The following TMEM51 variants were observed in gnomAD, a reference collection of about 807,000 sequenced individuals.
TMEM51 encodes chromosome 1 open reading frame 72.
TMEM51 carries 8 observed loss-of-function variants against 13.6 expected under a neutral mutation model. The observed-to-expected ratio is 0.59, with a 90% CI of 0.35 to 1.07. The LOEUF is 1.07. Among genes scored for constraint, TMEM51 ranks in the 50% least tolerant of loss-of-function variants. The probability of loss-of-function intolerance (pLI) is 0.02; values close to 1 mark genes in which losing one functional copy is unlikely to be tolerated. For missense variants in TMEM51, 279 were observed against 330.7 expected, an observed-to-expected ratio of 0.84 and a Z score of 1.21; for synonymous variants, 147 against 144.4, an observed-to-expected ratio of 1.02 and a Z score of -0.13.
chr1:15,167,326 CAAAAAAAAAAAAAAAAAAA>C (rs555274126), intron 1 of TMEM51, among the ~76,000 whole-genome samples: 4 of 69,446 alleles, frequency 5.8e-5, no homozygotes, highest in Admixed American at 1.7e-4. Context: ...GACTCCATCT[CAAAAAAAAAAAAAAAAAAA>C]AAAAAAAAAA....
chr1:15,200,989 T>C (rs1426774784), intron 1 of TMEM51, among the ~76,000 whole-genome samples: 2 of 152,122 alleles, frequency 1.3e-5, no homozygotes, highest in African/African-American at 4.8e-5. Context: ...GTGCCACAGG[T>C]GCCTCACACC....
intron 1 of TMEM51, among the ~76,000 whole-genome samples, chr1:15,175,186 G>A (rs1450816781): frequency 6.6e-6 from 1 of 152,104 alleles, no homozygotes; most frequent in Non-Finnish European, 1.5e-5. Flanking sequence ...GATTATCTGA[G>A]GTCAGGAGTT....
intron 1 of TMEM51, among the ~76,000 whole-genome samples, chr1:15,194,824 C>A (rs1338650082): frequency 1.3e-5 from 2 of 151,810 alleles, no homozygotes; most frequent in Non-Finnish European, 2.9e-5. Context: ...GTTTTTCAGC[C>A]AGCAATTTTA....
At chr1:15,190,840 T>G (rs1439132957) in intron 1 of TMEM51, among the ~76,000 whole-genome samples, 1 of 152,150 alleles carries the variant, frequency 6.6e-6, no homozygotes, top group Non-Finnish European at 1.5e-5. Context: ...CAAGCTGGAG[T>G]GCAGTGGCCC....
At chr1:15,153,116 T>C (rs575765053), upstream of TMEM51, among the ~76,000 whole-genome samples, 4 of 152,298 alleles carry the variant, frequency 2.6e-5, no homozygotes, top group Admixed American at 1.3e-4. Flanking sequence ...GGGCGTGAGC[T>C]GACTCAGTTT....
intron 1 of TMEM51, chr1:15,168,451 G>A (rs1222461735): frequency 7.8e-7 from 1 of 1,283,272 alleles, no homozygotes; most frequent in Admixed American, 2.4e-5. Context: ...GGATACATCT[G>A]CAATTAGCTG....
intron 1 of TMEM51, among the ~76,000 whole-genome samples, chr1:15,179,876 A>C (rs1643561629): frequency 6.6e-6 from 1 of 152,256 alleles, no homozygotes; most frequent in African/African-American, 2.4e-5. Flanking sequence ...GAAGGTATGC[A>C]CATATGAGGG....
At chr1:15,186,488 C>A (rs1643780416) in intron 1 of TMEM51, among the ~76,000 whole-genome samples, 1 of 152,112 alleles carries the variant, frequency 6.6e-6, no homozygotes, top group South Asian at 2.1e-4. Context: ...TCATGGATGA[C>A]CTTGGTTTTG....
intron 3 of TMEM51, among the ~76,000 whole-genome samples, chr1:15,217,133 CA>C (rs1183607545): frequency 1.3e-5 from 2 of 152,054 alleles, no homozygotes; most frequent in Non-Finnish European, 2.9e-5. Context: ...AGAGTTTCTT[CA>C]AAAAACTCAA....
At chr1:15,182,464 G>A (rs985214605) in intron 1 of TMEM51, among the ~76,000 whole-genome samples, 2 of 152,220 alleles carry the variant, frequency 1.3e-5, no homozygotes, top group Non-Finnish European at 2.9e-5. Context: ...GGACCACTCC[G>A]AGTTGAGCTG....
intron 1 of TMEM51, chr1:15,164,472 G>C: frequency 2.2e-6 from 1 of 456,082 alleles, no homozygotes; most frequent in Non-Finnish European, 4.4e-6. Flanking sequence ...CTACAAAGGT[G>C]AAGTGTGCTT....
At chr1:15,178,542 G>A (rs554567820) in intron 1 of TMEM51, among the ~76,000 whole-genome samples, 18 of 152,312 alleles carry the variant, frequency 1.2e-4, no homozygotes, top group East Asian at 1.9e-4. Context: ...GATAACGGCC[G>A]GGTCTCAAAC....
chr1:15,178,822 A>T (rs1429846484), intron 1 of TMEM51, among the ~76,000 whole-genome samples: 1 of 152,164 alleles, frequency 6.6e-6, no homozygotes, highest in Non-Finnish European at 1.5e-5. Flanking sequence ...AGTTTAGGGG[A>T]AGGACTGAGA....
chr1:15,193,575 C>CTTTCTTTTTTTT (rs1249772503), intron 1 of TMEM51, among the ~76,000 whole-genome samples: 91 of 114,638 alleles, frequency 7.9e-4, no homozygotes, highest in African/African-American at 3.1e-3. Context: ...TTCTTTCTTT[C>CTTTCTTTTTTTT]TTTTTTTTTT....
At chr1:15,196,180 G>A (rs772130401) in intron 1 of TMEM51, among the ~76,000 whole-genome samples, 68 of 152,252 alleles carry the variant, frequency 4.5e-4, no homozygotes, top group Non-Finnish European at 8.7e-4. Flanking sequence ...CCTCACCCAC[G>A]GGCCCTGTGT....
intron 1 of TMEM51, among the ~76,000 whole-genome samples, chr1:15,173,341 T>A (rs1229016384): frequency 6.7e-6 from 1 of 150,214 alleles, no homozygotes; most frequent in African/African-American, 2.5e-5. Context: ...CGCCTCAGCC[T>A]TCCGAGTAGC....
chr1:15,173,344 C>G (rs959738670), intron 1 of TMEM51, among the ~76,000 whole-genome samples: 1 of 151,452 alleles, frequency 6.6e-6, no homozygotes, highest in African/African-American at 2.4e-5. Flanking sequence ...CTCAGCCTTC[C>G]GAGTAGCTGG....
intron 1 of TMEM51, among the ~76,000 whole-genome samples, chr1:15,169,589 T>G (rs1403088829): frequency 2.0e-5 from 3 of 152,214 alleles, no homozygotes; most frequent in Non-Finnish European, 4.4e-5. Flanking sequence ...GGAGGAAGTT[T>G]GAGACATTTC....
upstream of TMEM51, among the ~76,000 whole-genome samples, chr1:15,152,994 C>T (rs1159080991): frequency 1.3e-5 from 2 of 152,238 alleles, no homozygotes; most frequent in African/African-American, 4.8e-5. Context: ...AGCGCGCCCC[C>T]ATCCATTGCC....
Sources: gnomAD v4.1 joint callset for allele counts (sites outside exome capture counted in the v4.1 genomes callset) on GRCh38, gnomAD v4.1.1 for gene constraint, MANE v1.5 for transcripts, NCBI Gene and HGNC (gene_info 2026-07-23, HGNC 2026-07-21) for gene names.